Variants in TRMT10A observed in about 807,000 individuals in gnomAD.
The protein encoded by TRMT10A is tRNA methyltransferase 10A.
A neutral mutation model predicts 40.4 loss-of-function variants in TRMT10A; 37 were observed. The observed-to-expected ratio is 0.92, with a 90% CI of 0.71 to 1.21. The LOEUF (loss-of-function observed/expected upper bound fraction) is 1.21, where lower values mean the gene tolerates loss of function less well. TRMT10A is among the 50% of genes most tolerant of loss of function. The pLI is 0.00. For synonymous variants in TRMT10A, 103 were observed against 134.1 expected, an observed-to-expected ratio of 0.77 and a Z score of 1.60; for missense variants, 388 against 404.3, an observed-to-expected ratio of 0.96 and a Z score of 0.35.
At chr4:99,552,388 A>G (rs1277526230) in intron 6 of TRMT10A, among the ~76,000 whole-genome samples, 1 of 152,190 alleles carries the variant, frequency 6.6e-6, no homozygotes, top group Admixed American at 6.5e-5. Flanking sequence ...TTATGTTACA[A>G]TTGTCTACAC....
Position 99,564,036 on chromosome 4 carries a change from C to T in TRMT10A, c.-147G>A, listed in dbSNP as rs1724585718. 2 of 1,526,564 alleles carry T rather than the reference C, an allele frequency of 1.3e-6. No individual in the cohort carries two copies. Among genetic ancestry groups the T allele is most frequent in the African/African-American group, 1.4e-5 (1 of 72,778 alleles). 94.6% of individuals were successfully genotyped at this position (1,526,564 alleles called of 1,614,324 possible). A position where few individuals can be genotyped will look rare whatever the true frequency, so the allele number is the denominator to read the frequency against. On this transcript the variant is annotated 5_prime_UTR_variant, in exon 1 of 8. Coordinates refer to ENST00000394876, the MANE Select transcript of TRMT10A (RefSeq NM_001134665.3). The stretch of plus-strand genomic sequence containing the variant: ...CCCAGAGGCAGGGGCGGTAGTTACG[C>T]AGTGGAGGCTACGGCGGTTGCGTCT...
chr4:99,555,923 T>C (rs542714863), intron 5 of TRMT10A, among the ~76,000 whole-genome samples: 2 of 152,282 alleles, frequency 1.3e-5, no homozygotes, highest in South Asian at 4.1e-4. Flanking sequence ...GTTTTAAAAG[T>C]TGACCATAAA....
chr4:99,562,922 A>T (rs1445147946), intron 1 of TRMT10A, among the ~76,000 whole-genome samples: 3 of 151,984 alleles, frequency 2.0e-5, no homozygotes, highest in Non-Finnish European at 2.9e-5. Context: ...TCTGGGTTCA[A>T]GTAGTTCTCC....
intron 6 of TRMT10A, among the ~76,000 whole-genome samples, chr4:99,552,396 C>G (rs1303222296): frequency 1.3e-5 from 2 of 152,124 alleles, no homozygotes; most frequent in Non-Finnish European, 2.9e-5. Context: ...CAATTGTCTA[C>G]ACTATTCAGT....
In TRMT10A at chr4:99,559,064, A is replaced by C. The variant is rs542068471; in HGVS notation, c.185+90T>G. On this transcript the variant is annotated intron_variant, in intron 2 of 7. Transcript: ENST00000394876. ...TTAGTAATTGAATTTTAAGTAACAC[A>C]ATTACATTTAATATGCCAAAGGGCT... 1.8e-4 allele frequency: 228 copies of C among 1,263,438 alleles called. 3 individuals carry two copies. In the South Asian group the frequency reaches 5.0e-3, roughly 28 times the overall value. 78.3% of individuals were successfully genotyped at this position (1,263,438 alleles called of 1,614,324 possible). A position where few individuals can be genotyped will look rare whatever the true frequency, so the allele number is the denominator to read the frequency against.
chr4:99,559,233 C>T lies in TRMT10A; in HGVS notation c.106G>A (p.Gly36Arg), dbSNP rs776140610. 6.2e-7 allele frequency: 1 copy of T among 1,613,704 alleles called. No homozygotes were observed. Residue 36 changes from glycine (G) to arginine (R), a missense_variant, in exon 2 of 8, where the codon GGG becomes AGG. Physicochemically the swap from Gly to Arg is moderately radical, Grantham distance 125. Transcript: ENST00000394876. ...TGTCGTTTAGATATTGGTTCACACC[C>T]TTCACCTAATCTTGGCTTCTGGCTC... The part of the protein sequence containing the change: ...EESQKPRLGE[G>R]CEPISKRQMK...
intron 6 of TRMT10A, 140 bp from the exon 7 acceptor site, chr4:99,551,130 T>C: frequency 1.7e-6 from 1 of 598,040 alleles, no homozygotes; most frequent in Non-Finnish European, 2.8e-6. Context: ...GGGGTATGTG[T>C]GTGTTTTACT....
Position 99,557,499 on chromosome 4 carries a change from GA to G in TRMT10A, c.349-84del. On this transcript the variant is annotated intron_variant, in intron 3 of 7. Coordinates refer to ENST00000394876, the MANE Select transcript of TRMT10A (RefSeq NM_001134665.3). ...TGATCTTAAAGGAATGGAATAAGCAGAAGGGATGACTATATACATACAATTT... is the reference window on the plus strand; with the variant it reads ...TGATCTTAAAGGAATGGAATAAGCAGAGGGATGACTATATACATACAATTT... The G allele has an allele frequency of 2.5e-6, 3 of 1,197,868 alleles. No individual in the cohort carries two copies. The South Asian group carries it at 4.0e-5, about 16-fold the overall frequency. 74.2% of individuals were successfully genotyped at this position (1,197,868 alleles called of 1,614,324 possible).
chr4:99,559,956 A>G (rs544159582), intron 1 of TRMT10A, among the ~76,000 whole-genome samples: 13 of 152,146 alleles, frequency 8.5e-5, no homozygotes, highest in Non-Finnish European at 1.9e-4. Context: ...GTATACACAC[A>G]CACGTTTAAT....
rs1724300075 is a variant in TRMT10A, at chr4:99,559,504, C to G, written c.-23-143G>C. 3 of 611,750 alleles carry G rather than the reference C, an allele frequency of 4.9e-6. No individual in the cohort carries two copies. In the South Asian group the frequency reaches 8.0e-5, roughly 16 times the overall value. 37.9% of individuals were successfully genotyped at this position (611,750 alleles called of 1,614,324 possible). On this transcript the variant is annotated intron_variant, in intron 1 of 7. Coordinates refer to ENST00000394876, the MANE Select transcript of TRMT10A (RefSeq NM_001134665.3). Reference sequence around the variant, plus strand: ...TTTAATTGTAAATATCATTTAAATACCATTTAATATCAATTAAATATTCAG... The same window carrying G: ...TTTAATTGTAAATATCATTTAAATAGCATTTAATATCAATTAAATATTCAG...
intron 7 of TRMT10A, 124 bp from the exon 8 acceptor site, chr4:99,549,480 T>C: frequency 7.9e-7 from 1 of 1,265,412 alleles, no homozygotes; most frequent in Non-Finnish European, 1.1e-6. Context: ...ACTTTGTTCT[T>C]AGCTCTTCTT....
chr4:99,558,056 A>G lies in TRMT10A; in HGVS notation c.341T>C (p.Val114Ala). Residue 114 changes from valine to alanine, a missense_variant, in exon 3 of 8, where the codon GTA (valine) becomes GCA (alanine). Val to Ala is a moderately conservative substitution (Grantham distance 64). Transcript: ENST00000394876. ...GACAATGATTCATGATACCTTTAAT[A>G]CCATCAAGTGATCAAAACTACAGTC... ...IIDCSFDHLM[V>A]LKDIKKLHKQ... 1.3e-6 allele frequency: 2 copies of G among 1,588,298 alleles called. No individual in the cohort carries two copies. The highest frequency in any genetic ancestry group is 8.5e-7 in the Non-Finnish European group (1 of 1,172,414).
rs138973736 is a variant in TRMT10A at position 99,555,110 on chromosome 4, G to A, written c.495+1036C>T. 4.2e-3 allele frequency among the ~76,000 whole-genome samples: 636 copies of A among 152,224 alleles called. 3 individuals are homozygous for A. Among genetic ancestry groups the A allele is most frequent in the African/African-American group, 0.012 (481 of 41,542 alleles). On this transcript the variant is annotated intron_variant, in intron 5 of 7. Transcript: ENST00000394876. ...TCTCAAGTCTCTCTGGAAAGGTGATGGTATAAATGATAAATTTAACAAGTC... is the reference window on the plus strand; with the variant it reads ...TCTCAAGTCTCTCTGGAAAGGTGATAGTATAAATGATAAATTTAACAAGTC...
intron 1 of TRMT10A, among the ~76,000 whole-genome samples, chr4:99,560,891 T>C (rs1165679481): frequency 1.3e-5 from 2 of 152,126 alleles, no homozygotes; most frequent in Non-Finnish European, 2.9e-5. Flanking sequence ...AGTGGCATCA[T>C]TTTCAGTTAG....
chr4:99,562,090 G>C (rs947323303), intron 1 of TRMT10A, among the ~76,000 whole-genome samples: 5 of 151,176 alleles, frequency 3.3e-5, no homozygotes, highest in Admixed American at 1.3e-4. Flanking sequence ...AGAATCGCTT[G>C]AACCCGGGAG....
chr4:99,550,163 T>C (rs754343166), intron 7 of TRMT10A, among the ~76,000 whole-genome samples: 11 of 152,222 alleles, frequency 7.2e-5, no homozygotes, highest in Non-Finnish European at 1.3e-4. Context: ...ATTCAAATGA[T>C]GGACTACATA....
chr4:99,557,611 A>T (rs899514829), intron 3 of TRMT10A, 195 bp from the exon 4 acceptor site: 8 of 499,282 alleles, frequency 1.6e-5, no homozygotes, highest in Admixed American at 1.1e-4. Context: ...ATGCTCTGTA[A>T]GTGACCCATT....
intron 5 of TRMT10A, among the ~76,000 whole-genome samples, chr4:99,555,136 G>A (rs941125998): frequency 6.6e-5 from 10 of 152,108 alleles, no homozygotes; most frequent in Admixed American, 2.6e-4. Context: ...TTAACAAGTC[G>A]CAAAATAACT....
At position 99,549,320 on chromosome 4, in the gene TRMT10A, T is replaced by C. The variant is rs1256044882; in HGVS notation, c.788A>G (p.Asp263Gly). 1 of 1,614,130 alleles carries C rather than the reference T, an allele frequency of 6.2e-7. No homozygotes were observed. The highest frequency in any genetic ancestry group is 8.5e-7 in the Non-Finnish European group (1 of 1,179,988). The change falls in exon 8 of 8, where the codon GAC becomes GGC. Residue 263 changes from aspartate (D) to glycine (G), a missense_variant. Coordinates refer to ENST00000394876, the MANE Select transcript of TRMT10A (RefSeq NM_001134665.3). ...EIILEYLETR[D>G]WQEAFFTILP... ...GATAGTAAAAAATGCTTCTTGCCAG[T>C]CTCTTGTTTCCAGGTATTCCAGAAT... is the stretch of plus-strand genomic sequence containing the variant.
Sources: allele counts gnomAD v4.1 joint callset (sites outside exome capture counted in the v4.1 genomes callset), GRCh38; gene constraint gnomAD v4.1.1; transcripts MANE v1.5; gene names NCBI Gene and HGNC (gene_info 2026-07-23, HGNC 2026-07-21).